Variants in AGBL4 observed in about 807,000 individuals in gnomAD.
AGBL4 encodes AGBL carboxypeptidase 4, also known as cytosolic carboxypeptidase 6.
A neutral mutation model predicts 66.4 loss-of-function variants in AGBL4; 58 were observed. The observed-to-expected ratio is 0.87, with a 90% CI of 0.71 to 1.09. The LOEUF is 1.09. Ranked by LOEUF, AGBL4 falls within the 50% of genes least tolerant of loss-of-function variation. The pLI is 0.00. For missense variants in AGBL4, 579 were observed against 631.0 expected (o/e 0.92, Z 0.88); for synonymous variants, 234 against 222.9 (o/e 1.05, Z -0.44).
intron 4 of AGBL4, among the ~76,000 whole-genome samples, chr1:49,117,437 T>C (rs1297580384): frequency 6.6e-5 from 10 of 152,232 alleles, no homozygotes; most frequent in Admixed American, 6.5e-4. Flanking sequence ...TTTCTACATA[T>C]GGCTAGCCAG....
chr1:49,101,115 A>T (rs909782163), intron 4 of AGBL4, among the ~76,000 whole-genome samples: 2 of 152,130 alleles, frequency 1.3e-5, no homozygotes, highest in Non-Finnish European at 2.9e-5. Context: ...TGAATCATCC[A>T]TCTACGGGTC....
At chr1:49,428,127 C>G (rs1053061181) in intron 3 of AGBL4, among the ~76,000 whole-genome samples, 3 of 152,214 alleles carry the variant, frequency 2.0e-5, no homozygotes, top group African/African-American at 7.2e-5. Context: ...AGGAGCCCAG[C>G]TGGCTTCACC....
At chr1:48,607,533 G>A (rs142209397) in intron 9 of AGBL4, among the ~76,000 whole-genome samples, 39 of 152,182 alleles carry the variant, frequency 2.6e-4, no homozygotes, top group African/African-American at 7.7e-4. Context: ...CAGGAGAATC[G>A]CTTGAATCCA....
intron 4 of AGBL4, among the ~76,000 whole-genome samples, chr1:49,221,655 A>G (rs940847065): frequency 2.0e-5 from 3 of 152,090 alleles, no homozygotes; most frequent in African/African-American, 7.2e-5. Context: ...TGAGGAAAGT[A>G]TCTTCACTAT....
intron 4 of AGBL4, among the ~76,000 whole-genome samples, chr1:49,060,800 A>C (rs1644389693): frequency 6.6e-6 from 1 of 152,130 alleles, no homozygotes; most frequent in South Asian, 2.1e-4. Flanking sequence ...TCCACTCCCA[A>C]TCCCAGCTCA....
intron 3 of AGBL4, among the ~76,000 whole-genome samples, chr1:49,642,071 T>C (rs1054344079): frequency 2.6e-5 from 4 of 151,642 alleles, no homozygotes. Flanking sequence ...TAGGGAGCAA[T>C]TAGAGTAATA....
At chr1:49,913,325 A>G (rs1265571564) in intron 1 of AGBL4, among the ~76,000 whole-genome samples, 2 of 152,262 alleles carry the variant, frequency 1.3e-5, no homozygotes, top group African/African-American at 4.8e-5. Context: ...AAGACAGGCA[A>G]GAATAAAAGG....
chr1:49,371,552 A>G (rs971046489), intron 3 of AGBL4, among the ~76,000 whole-genome samples: 7 of 152,122 alleles, frequency 4.6e-5, no homozygotes, highest in Non-Finnish European at 7.3e-5. Flanking sequence ...TAAACAGCAG[A>G]ATTACATATA....
intron 1 of AGBL4, among the ~76,000 whole-genome samples, chr1:49,905,796 T>A (rs948084895): frequency 2.6e-5 from 4 of 152,208 alleles, no homozygotes; most frequent in South Asian, 2.1e-4. Context: ...TAATTAAGCA[T>A]ACCCTCAAAA....
At chr1:49,738,949 T>C (rs937189064) in intron 2 of AGBL4, among the ~76,000 whole-genome samples, 2 of 151,886 alleles carry the variant, frequency 1.3e-5, no homozygotes, top group Non-Finnish European at 2.9e-5. Flanking sequence ...ACCACAAAGA[T>C]GGGGAAAAAA....
intron 5 of AGBL4, among the ~76,000 whole-genome samples, chr1:48,881,159 C>A (rs1256138119): frequency 6.6e-6 from 1 of 152,098 alleles, no homozygotes; most frequent in Non-Finnish European, 1.5e-5. Flanking sequence ...CATATTGCCA[C>A]ATTGATTTCC....
rs1294487021 is a variant in AGBL4, at chr1:49,921,028, G to C, written c.35-69510C>G. ...CACCGCACGTTCTCACTCATAGTCG[G>C]GAACTGAACAATGAGAACACTTGGA... On this transcript the variant is annotated intron_variant, in intron 1 of 13. Coordinates refer to ENST00000371839, the MANE Select transcript of AGBL4 (RefSeq NM_032785.4). Among the ~76,000 whole-genome samples, 4 of 152,116 alleles carry C rather than the reference G, an allele frequency of 2.6e-5. No individual in the cohort carries two copies. In the East Asian group the frequency reaches 7.7e-4, roughly 29 times the overall value.
At chr1:49,649,376 G>A (rs985750979) in intron 3 of AGBL4, among the ~76,000 whole-genome samples, 1 of 152,098 alleles carries the variant, frequency 6.6e-6, no homozygotes, top group African/African-American at 2.4e-5. Flanking sequence ...AGGAATAAAT[G>A]GAGTGATATA....
chr1:49,433,531 G>A (rs1160503899), intron 3 of AGBL4, among the ~76,000 whole-genome samples: 1 of 152,084 alleles, frequency 6.6e-6, no homozygotes, highest in Non-Finnish European at 1.5e-5. Flanking sequence ...TTTTTCCTAT[G>A]TTTCTCACAA....
intron 6 of AGBL4, among the ~76,000 whole-genome samples, chr1:48,712,144 G>A (rs1227199319): frequency 6.6e-6 from 1 of 152,182 alleles, no homozygotes; most frequent in Non-Finnish European, 1.5e-5. Flanking sequence ...CCAGGAAGGG[G>A]CCCATTCCCT....
At position 48,744,077 on chromosome 1, in the gene AGBL4, A is replaced by G. The variant is rs147568298; in HGVS notation, c.635-80836T>C. ...CCATTCCTGGCTACACTATATTTTA[A>G]TTGTGTGACCACAGGTGAGTAAATT... On this transcript the variant is annotated intron_variant, in intron 6 of 13. Coordinates refer to ENST00000371839, the MANE Select transcript of AGBL4 (RefSeq NM_032785.4). Among the ~76,000 whole-genome samples the G allele has an allele frequency of 5.4e-3, 821 of 152,306 alleles. 6 individuals are homozygous for G. The highest frequency in any genetic ancestry group is 0.019 in the African/African-American group (771 of 41,570).
intron 6 of AGBL4, among the ~76,000 whole-genome samples, chr1:48,841,104 G>C (rs1286321888): frequency 1.3e-5 from 2 of 152,108 alleles, no homozygotes; most frequent in African/African-American, 4.8e-5. Context: ...TGTTTGCTAG[G>C]GGTTAGGAGG....
At chr1:49,896,570 T>C (rs1383493758) in intron 1 of AGBL4, among the ~76,000 whole-genome samples, 1 of 148,928 alleles carries the variant, frequency 6.7e-6, no homozygotes, top group Non-Finnish European at 1.5e-5. Context: ...ATGAGGCCAG[T>C]AGTACCCTGA....
At chr1:49,240,623 A>G (rs1335499317) in intron 4 of AGBL4, among the ~76,000 whole-genome samples, 2 of 139,408 alleles carry the variant, frequency 1.4e-5, no homozygotes, top group Non-Finnish European at 3.0e-5. Context: ...CTTATCCTCT[A>G]CCTGGCCTTT....
Sources: gnomAD v4.1 joint callset for allele counts (sites outside exome capture counted in the v4.1 genomes callset) on GRCh38, gnomAD v4.1.1 for gene constraint, MANE v1.5 for transcripts, NCBI Gene and HGNC (gene_info 2026-07-23, HGNC 2026-07-21) for gene names.